The following ADCY2 variants were observed in gnomAD, a reference collection of about 807,000 sequenced individuals.
ADCY2 encodes adenylate cyclase 2, also known as adenylate cyclase type 2.
Under a neutral mutation model 125.2 loss-of-function variants are expected in ADCY2, and 31 were observed. The observed-to-expected ratio is 0.25, with a 90% CI of 0.19 to 0.33. The LOEUF is 0.33. ADCY2 is among the 10% of genes least tolerant of loss of function. ADCY2 has a pLI of 1.00. For synonymous variants in ADCY2, 512 were observed against 548.4 expected (o/e 0.93, Z 0.93); for missense variants, 904 against 1,418.2 (o/e 0.64, Z 5.82).
chr5:7,788,988 A>G (rs898418209), intron 19 of ADCY2, among the ~76,000 whole-genome samples: 1 of 152,214 alleles, frequency 6.6e-6, no homozygotes, highest in Non-Finnish European at 1.5e-5. Context: ...CAATGTTAGT[A>G]ATAACTACTT....
intron 2 of ADCY2, among the ~76,000 whole-genome samples, chr5:7,465,254 A>G (rs946536008): frequency 6.6e-6 from 1 of 152,160 alleles, no homozygotes; most frequent in Non-Finnish European, 1.5e-5. Context: ...CCTTCATCTC[A>G]CATAATGTCA....
At chr5:7,464,444 G>A (rs1347675810) in intron 2 of ADCY2, among the ~76,000 whole-genome samples, 1 of 152,150 alleles carries the variant, frequency 6.6e-6, no homozygotes, top group African/African-American at 2.4e-5. Flanking sequence ...CTGACCTACG[G>A]CAATGTCACA....
chr5:7,654,713 A>G (rs1459303584), intron 4 of ADCY2, among the ~76,000 whole-genome samples: 3 of 152,164 alleles, frequency 2.0e-5, no homozygotes, highest in African/African-American at 7.2e-5. Flanking sequence ...CCCTCCACCC[A>G]TGCAAACACA....
chr5:7,469,148 GA>G (rs1742237768), intron 2 of ADCY2, among the ~76,000 whole-genome samples: 1 of 151,522 alleles, frequency 6.6e-6, no homozygotes, highest in South Asian at 2.1e-4. Context: ...CTTTTTTGCA[GA>G]AAATTTATAA....
In ADCY2 at chr5:7,525,845, G is replaced by A. The variant is rs141620763; in HGVS notation, c.570+4946G>A. Reference sequence around the variant, plus strand: ...GATTTCCTTTATTGGACCAATTCGTGTCTGTAACCAGCCTCCTGTTTCTAC... The same window carrying A: ...GATTTCCTTTATTGGACCAATTCGTATCTGTAACCAGCCTCCTGTTTCTAC... On this transcript the variant is annotated intron_variant, in intron 3 of 24. Transcript: ENST00000338316. 1.1e-4 allele frequency among the ~76,000 whole-genome samples: 17 copies of A among 152,230 alleles called. No individual in the cohort carries two copies. In the East Asian group the frequency reaches 3.3e-3, roughly 30 times the overall value.
chr5:7,716,770 A>G (rs1377777720), intron 11 of ADCY2, among the ~76,000 whole-genome samples: 3 of 152,230 alleles, frequency 2.0e-5, no homozygotes, highest in African/African-American at 4.8e-5. Context: ...TCATGGAGGT[A>G]GAGAGTAGAA....
intron 12 of ADCY2, among the ~76,000 whole-genome samples, chr5:7,718,341 G>C (rs1467987910): frequency 6.6e-6 from 1 of 151,810 alleles, no homozygotes; most frequent in South Asian, 2.1e-4. Flanking sequence ...GTAGAGACAG[G>C]GTTTCACCGT....
At chr5:7,607,950 A>T (rs182665153) in intron 3 of ADCY2, among the ~76,000 whole-genome samples, 12 of 152,352 alleles carry the variant, frequency 7.9e-5, no homozygotes, top group African/African-American at 2.6e-4. Context: ...GGTAGCATCC[A>T]TCCTCTTGGG....
chr5:7,668,868 C>T (rs1359543744), intron 4 of ADCY2, among the ~76,000 whole-genome samples: 1 of 152,162 alleles, frequency 6.6e-6, no homozygotes, highest in Non-Finnish European at 1.5e-5. Context: ...CTTGTTCAGT[C>T]TATACTAATT....
At chr5:7,437,399 T>C (rs541272284) in intron 2 of ADCY2, among the ~76,000 whole-genome samples, 3 of 152,316 alleles carry the variant, frequency 2.0e-5, no homozygotes, top group African/African-American at 7.2e-5. Context: ...CCCACACTGC[T>C]GTGAGGAGTT....
At chr5:7,820,313 C>A (rs1275127920) in intron 23 of ADCY2, among the ~76,000 whole-genome samples, 1 of 151,806 alleles carries the variant, frequency 6.6e-6, no homozygotes, top group African/African-American at 2.4e-5. Flanking sequence ...GGCAACATGG[C>A]AAAACTCTGT....
At chr5:7,554,683 AG>A (rs1280369713) in intron 3 of ADCY2, among the ~76,000 whole-genome samples, 5 of 152,108 alleles carry the variant, frequency 3.3e-5, no homozygotes, top group African/African-American at 1.2e-4. Flanking sequence ...TCCAGTAAAG[AG>A]GGTCTTGGGT....
At chr5:7,749,333 T>G (rs1259823317) in intron 15 of ADCY2, among the ~76,000 whole-genome samples, 1 of 152,226 alleles carries the variant, frequency 6.6e-6, no homozygotes. Flanking sequence ...AAGAAAGTAC[T>G]CAGTATTATA....
At chr5:7,805,126 G>A (rs1744716766) in intron 22 of ADCY2, among the ~76,000 whole-genome samples, 2 of 151,570 alleles carry the variant, frequency 1.3e-5, no homozygotes, top group Non-Finnish European at 2.9e-5. Flanking sequence ...GACCAACCTG[G>A]GCAACATAGT....
chr5:7,427,787 C>T (rs1740440595), intron 2 of ADCY2, among the ~76,000 whole-genome samples: 1 of 152,072 alleles, frequency 6.6e-6, no homozygotes, highest in Admixed American at 6.5e-5. Context: ...TAACAAGTAC[C>T]AAGGAAGGAA....
intron 16 of ADCY2, among the ~76,000 whole-genome samples, chr5:7,759,310 C>T (rs988611612): frequency 3.9e-5 from 6 of 152,204 alleles, no homozygotes; most frequent in South Asian, 4.1e-4. Flanking sequence ...CCCAGGCATG[C>T]GGGCCACTGA....
chr5:7,673,714 G>T (rs910583192), intron 4 of ADCY2, among the ~76,000 whole-genome samples: 1 of 152,072 alleles, frequency 6.6e-6, no homozygotes, highest in Non-Finnish European at 1.5e-5. Flanking sequence ...ATGCAGCCCC[G>T]CAGGAAAGCC....
chr5:7,589,562 G>A (rs1736781411), intron 3 of ADCY2, among the ~76,000 whole-genome samples: 1 of 151,236 alleles, frequency 6.6e-6, no homozygotes, highest in Non-Finnish European at 1.5e-5. Flanking sequence ...AGGAAGGAAG[G>A]AAGGAGAGAA....
intron 3 of ADCY2, among the ~76,000 whole-genome samples, chr5:7,554,623 A>G (rs933249885): frequency 6.6e-6 from 1 of 152,190 alleles, no homozygotes; most frequent in African/African-American, 2.4e-5. Flanking sequence ...TTCAGTGGCC[A>G]GATCAACTTC....
Sources: allele counts gnomAD v4.1 joint callset (sites outside exome capture counted in the v4.1 genomes callset), GRCh38; gene constraint gnomAD v4.1.1; transcripts MANE v1.5; gene names NCBI Gene and HGNC (gene_info 2026-07-23, HGNC 2026-07-21).